Variants in NLGN1 observed in about 807,000 individuals in gnomAD.
The protein encoded by NLGN1 is neuroligin-1.
In NLGN1, 12 loss-of-function variants were observed where a neutral mutation model predicts 65.5. The observed-to-expected ratio is 0.18, with a 90% CI of 0.12 to 0.30. The LOEUF is 0.30. Among genes scored for constraint, NLGN1 ranks in the 10% least tolerant of loss-of-function variants. The probability of loss-of-function intolerance (pLI) is 1.00; values close to 1 mark genes in which losing one functional copy is unlikely to be tolerated. For synonymous variants in NLGN1, 350 were observed against 359.5 expected, an observed-to-expected ratio of 0.97 and a Z score of 0.30; for missense variants, 750 against 1,007.1, an observed-to-expected ratio of 0.74 and a Z score of 3.46.
At chr3:173,809,079 G>T (rs543909388) in intron 4 of NLGN1, among the ~76,000 whole-genome samples, 3 of 143,218 alleles carry the variant, frequency 2.1e-5, no homozygotes, top group Non-Finnish European at 3.1e-5. Context: ...TTTGGAGTGT[G>T]GTGAATGACC....
At chr3:173,497,531 A>G (rs1459143364) in intron 2 of NLGN1, among the ~76,000 whole-genome samples, 1 of 151,906 alleles carries the variant, frequency 6.6e-6, no homozygotes, top group East Asian at 1.9e-4. Flanking sequence ...TTACATACAT[A>G]TACACATGTA....
At chr3:173,520,267 A>G (rs1734540203) in intron 2 of NLGN1, among the ~76,000 whole-genome samples, 1 of 152,230 alleles carries the variant, frequency 6.6e-6, no homozygotes, top group Admixed American at 6.5e-5. Context: ...TAGCAATGCA[A>G]GAATGGATTA....
At chr3:173,886,470 C>A (rs917030453) in intron 4 of NLGN1, among the ~76,000 whole-genome samples, 8 of 151,964 alleles carry the variant, frequency 5.3e-5, no homozygotes, top group Non-Finnish European at 7.4e-5. Flanking sequence ...GTAGTTTCAT[C>A]CATTTTACTA....
chr3:173,399,884 A>G (rs1157979707), intron 1 of NLGN1: 1 of 152,200 alleles, frequency 6.6e-6, no homozygotes, highest in African/African-American at 2.4e-5. Flanking sequence ...GTGAGACAAT[A>G]TTAATACAGA....
At chr3:173,574,859 A>G (rs1045884651) in intron 2 of NLGN1, among the ~76,000 whole-genome samples, 2 of 152,320 alleles carry the variant, frequency 1.3e-5, no homozygotes, top group East Asian at 3.9e-4. Context: ...AAACTATGCA[A>G]ATGACACATT....
At chr3:174,248,891 C>T (rs923469473) in intron 4 of NLGN1, among the ~76,000 whole-genome samples, 3 of 152,178 alleles carry the variant, frequency 2.0e-5, no homozygotes, top group Non-Finnish European at 2.9e-5. Flanking sequence ...TTTTCATATT[C>T]GAGTTTTTTA....
At chr3:173,421,629 G>A (rs1035566624) in intron 1 of NLGN1, among the ~76,000 whole-genome samples, 4 of 151,658 alleles carry the variant, frequency 2.6e-5, no homozygotes, top group African/African-American at 9.7e-5. Flanking sequence ...CTCAGTCTGG[G>A]ACTACAGACT....
intron 4 of NLGN1, among the ~76,000 whole-genome samples, chr3:174,212,427 A>G (rs1295125885): frequency 6.6e-6 from 1 of 152,186 alleles, no homozygotes; most frequent in African/African-American, 2.4e-5. Flanking sequence ...CCCACAGTGC[A>G]GTGGTGGGCT....
intron 3 of NLGN1, among the ~76,000 whole-genome samples, chr3:173,708,708 T>G (rs181169788): frequency 6.6e-6 from 1 of 152,284 alleles, no homozygotes; most frequent in Admixed American, 6.5e-5. Flanking sequence ...ATAGTGAGGC[T>G]TTCTGACGTA....
At chr3:173,715,732 G>A (rs1159140545) in intron 3 of NLGN1, among the ~76,000 whole-genome samples, 2 of 152,012 alleles carry the variant, frequency 1.3e-5, no homozygotes, top group Admixed American at 6.6e-5. Flanking sequence ...TTTCCAGATA[G>A]CATCCTGTCT....
At chr3:173,970,347 G>A (rs139990104) in intron 4 of NLGN1, among the ~76,000 whole-genome samples, 61 of 152,200 alleles carry the variant, frequency 4.0e-4, no homozygotes, top group African/African-American at 1.4e-3. Context: ...CGCCTCATTG[G>A]CCTGAGTCCC....
At chr3:173,466,572 T>G (rs1469150906) in intron 2 of NLGN1, among the ~76,000 whole-genome samples, 1 of 152,188 alleles carries the variant, frequency 6.6e-6, no homozygotes, top group African/African-American at 2.4e-5. Context: ...TGCTTCTACC[T>G]TCGTTTTATT....
chr3:173,716,766 T>C (rs893530610), intron 3 of NLGN1, among the ~76,000 whole-genome samples: 5 of 148,560 alleles, frequency 3.4e-5, no homozygotes, highest in African/African-American at 1.2e-4. Context: ...GATTATTATT[T>C]GATATGTTGG....
intron 4 of NLGN1, among the ~76,000 whole-genome samples, chr3:174,071,717 C>CAAA (rs539244392): frequency 2.2e-5 from 2 of 93,018 alleles, no homozygotes; most frequent in South Asian, 3.2e-4. Context: ...GACCCTGTCC[C>CAAA]AAAAAAAAAA....
chr3:174,201,258 A>T (rs376156827), intron 4 of NLGN1, among the ~76,000 whole-genome samples: 1 of 144,746 alleles, frequency 6.9e-6, no homozygotes, highest in South Asian at 2.4e-4. Context: ...GAACAGGAAC[A>T]GGAACAGGAA....
At chr3:173,818,238 A>G (rs1386212226) in intron 4 of NLGN1, among the ~76,000 whole-genome samples, 1 of 152,194 alleles carries the variant, frequency 6.6e-6, no homozygotes, top group African/African-American at 2.4e-5. Context: ...ATGACATTAA[A>G]CAAATGAACA....
At chr3:174,114,303 A>T (rs1715879465) in intron 4 of NLGN1, among the ~76,000 whole-genome samples, 1 of 152,188 alleles carries the variant, frequency 6.6e-6, no homozygotes, top group Non-Finnish European at 1.5e-5. Context: ...TTTTATAAAC[A>T]TTAAGGGAAG....
chr3:173,910,536 T>C (rs907664503), intron 4 of NLGN1: 1 of 152,012 alleles, frequency 6.6e-6, no homozygotes, highest in Non-Finnish European at 1.5e-5. Context: ...AAAATAGGAA[T>C]AATTAAGTAA....
intron 2 of NLGN1, among the ~76,000 whole-genome samples, chr3:173,548,790 T>C (rs1019339334): frequency 5.3e-5 from 8 of 152,066 alleles, no homozygotes; most frequent in Admixed American, 2.0e-4. Context: ...AGTATATCTA[T>C]TTCTATATGA....
Sources: gnomAD v4.1 joint callset for allele counts (sites outside exome capture counted in the v4.1 genomes callset) on GRCh38, gnomAD v4.1.1 for gene constraint, MANE v1.5 for transcripts, NCBI Gene and HGNC (gene_info 2026-07-23, HGNC 2026-07-21) for gene names.